The following SEPTIN11 variants were observed in gnomAD, a reference collection of about 807,000 sequenced individuals.
SEPTIN11 encodes the protein septin 11, also known as septin-11.
A neutral mutation model predicts 51.4 loss-of-function variants in SEPTIN11; 25 were observed. That is an observed-to-expected ratio of 0.49 (90% CI 0.35 to 0.68). SEPTIN11 has a LOEUF of 0.68. Ranked by LOEUF, SEPTIN11 falls within the 30% of genes least tolerant of loss-of-function variation. The probability of loss-of-function intolerance (pLI) is 0.00; values close to 1 mark genes in which losing one functional copy is unlikely to be tolerated. For synonymous variants in SEPTIN11, 174 were observed against 184.1 expected, an observed-to-expected ratio of 0.95 and a Z score of 0.44; for missense variants, 381 against 520.8, an observed-to-expected ratio of 0.73 and a Z score of 2.61.
In SEPTIN11 at chr4:76,984,561, A is replaced by G. The variant is rs1722926474; in HGVS notation, c.28-11864A>G. On this transcript the variant is annotated intron_variant, in intron 1 of 9. Coordinates refer to ENST00000264893, the MANE Select transcript of SEPTIN11 (RefSeq NM_018243.4). The surrounding 1 kb of genome is among the most constrained non-coding windows in gnomAD (Gnocchi z 4.1). Reference sequence around the variant, plus strand: ...GATGAACTGAGCCACAATATTTCTCAAACAGGAAATACTGAGGAATAGATG... The same window carrying G: ...GATGAACTGAGCCACAATATTTCTCGAACAGGAAATACTGAGGAATAGATG... Among the ~76,000 whole-genome samples the G allele has an allele frequency of 6.6e-6, 1 of 152,230 alleles. No individual in the cohort carries two copies. The highest frequency in any genetic ancestry group is 1.5e-5 in the Non-Finnish European group (1 of 68,036).
At chr4:76,951,360 C>T (rs556345556) in intron 1 of SEPTIN11, among the ~76,000 whole-genome samples, 2 of 152,302 alleles carry the variant, frequency 1.3e-5, no homozygotes, top group Middle Eastern at 3.4e-3. Flanking sequence ...GATTTAATGA[C>T]ATGGCTCTTT....
At chr4:77,027,348 C>CT (rs1335574780) in intron 7 of SEPTIN11, among the ~76,000 whole-genome samples, 2 of 152,070 alleles carry the variant, frequency 1.3e-5, no homozygotes, top group Non-Finnish European at 2.9e-5. Flanking sequence ...ATTGGCCAGG[C>CT]TGGTCTCGAA....
intron 1 of SEPTIN11, chr4:76,974,717 T>G: frequency 2.2e-6 from 1 of 456,478 alleles, no homozygotes; most frequent in African/African-American, 2.0e-5. Context: ...CTGGTTTATT[T>G]ATGGTGAAAA....
At chr4:76,996,646 T>G (rs774967415) in intron 2 of SEPTIN11, 107 bp downstream of exon 2, 80 of 831,166 alleles carry the variant, frequency 9.6e-5, no homozygotes, top group Non-Finnish European at 1.5e-4. Context: ...TTTATTCTCT[T>G]TCTTTCATCA....
At chr4:77,019,010 G>C (rs1000850804) in intron 5 of SEPTIN11, among the ~76,000 whole-genome samples, 155 bp from the exon 6 acceptor site, 5 of 152,136 alleles carry the variant, frequency 3.3e-5, no homozygotes, top group African/African-American at 1.2e-4. Context: ...GTTATAAGGG[G>C]GGTGGGATAC....
At chr4:76,990,058 G>A (rs1486460021) in intron 1 of SEPTIN11, among the ~76,000 whole-genome samples, 1 of 152,102 alleles carries the variant, frequency 6.6e-6, no homozygotes. Flanking sequence ...GGACCTGAGC[G>A]GGTTGCCGCT....
At position 76,949,938 on chromosome 4, in the gene SEPTIN11, C is replaced by T. The variant is rs1721245562; in HGVS notation, c.27+8C>T. The T allele has an allele frequency of 6.7e-7, 1 of 1,500,396 alleles. No homozygotes were observed. The highest frequency in any genetic ancestry group is 2.2e-5 in the Admixed American group (1 of 45,508). The allele number at this position is 1,500,396 out of a possible 1,614,324, so 92.9% of individuals were successfully genotyped here. On this transcript the variant is annotated splice_region_variant and intron_variant, in intron 1 of 9. Coordinates refer to ENST00000264893, the MANE Select transcript of SEPTIN11 (RefSeq NM_018243.4). ...GCCGTGGGGAGACCGTCTGTGAGTG[C>T]TGGGGCCTCGCCTGCTGCTCCTCGG... is the stretch of plus-strand genomic sequence containing the variant.
intron 1 of SEPTIN11, among the ~76,000 whole-genome samples, chr4:76,962,710 T>G (rs538633537): frequency 3.3e-5 from 5 of 152,240 alleles, no homozygotes; most frequent in African/African-American, 1.2e-4. Flanking sequence ...GTTTCTCTTA[T>G]GTTAGTCCAG....
intron 1 of SEPTIN11, among the ~76,000 whole-genome samples, chr4:76,990,395 G>T (rs577764533): frequency 6.6e-6 from 1 of 152,114 alleles, no homozygotes; most frequent in Non-Finnish European, 1.5e-5. Context: ...CTGGCTTCAC[G>T]TCTCACAAGT....
chr4:77,016,626 A>G (rs1235706982), intron 5 of SEPTIN11, among the ~76,000 whole-genome samples: 1 of 75,848 alleles, frequency 1.3e-5, no homozygotes, highest in Non-Finnish European at 2.5e-5. Flanking sequence ...ATATATATAT[A>G]TATACACATA....
chr4:77,015,885 C>T (rs144269019), intron 5 of SEPTIN11, among the ~76,000 whole-genome samples: 66 of 152,282 alleles, frequency 4.3e-4, no homozygotes, highest in African/African-American at 1.3e-3. Flanking sequence ...GACAAAAGAT[C>T]ACCAAGGGGT....
At position 77,036,949 on chromosome 4, in the gene SEPTIN11, G is replaced by T; in HGVS notation, c.*2437G>T. On this transcript the variant is annotated 3_prime_UTR_variant, in exon 10 of 10. Coordinates refer to ENST00000264893, the MANE Select transcript of SEPTIN11 (RefSeq NM_018243.4). Reference sequence around the variant, plus strand: ...TTTTCAAGGGGGGCAGGAAGGTAATGGTTTGAGTAGCCTTTGTTTAAAAAA... The same window carrying T: ...TTTTCAAGGGGGGCAGGAAGGTAATTGTTTGAGTAGCCTTTGTTTAAAAAA... The T allele has an allele frequency of 3.1e-6, 4 of 1,295,026 alleles. No homozygotes were observed. The highest frequency in any genetic ancestry group is 5.3e-5 in the South Asian group (2 of 37,836). 80.2% of individuals were successfully genotyped at this position (1,295,026 alleles called of 1,614,324 possible).
At chr4:76,965,585 C>T (rs186231791) in intron 1 of SEPTIN11, among the ~76,000 whole-genome samples, 2 of 142,802 alleles carry the variant, frequency 1.4e-5, no homozygotes, top group Non-Finnish European at 3.1e-5. Flanking sequence ...ATAGGAAATA[C>T]TTATTTTAAT....
At chr4:77,027,411 C>T (rs373514030) in intron 7 of SEPTIN11, among the ~76,000 whole-genome samples, 207 of 152,354 alleles carry the variant, frequency 1.4e-3, no homozygotes, top group African/African-American at 4.5e-3. Flanking sequence ...GCTGGGATTA[C>T]AGGTGTGAAC....
intron 9 of SEPTIN11, among the ~76,000 whole-genome samples, chr4:77,034,145 G>C (rs1472322013): frequency 6.6e-6 from 1 of 152,200 alleles, no homozygotes; most frequent in Non-Finnish European, 1.5e-5. Flanking sequence ...CTCCTATTCA[G>C]TACTAATGGG....
intron 1 of SEPTIN11, among the ~76,000 whole-genome samples, chr4:76,953,359 A>C (rs1314289162): frequency 6.6e-6 from 1 of 152,214 alleles, no homozygotes; most frequent in African/African-American, 2.4e-5. Flanking sequence ...TAGGGAGAAA[A>C]GGAATTATAT....
chr4:77,027,425 C>G (rs1469155879), intron 7 of SEPTIN11, among the ~76,000 whole-genome samples: 1 of 152,192 alleles, frequency 6.6e-6, no homozygotes, highest in Non-Finnish European at 1.5e-5. Context: ...TGTGAACCAC[C>G]ATGCTTGGCC....
chr4:77,014,769 C>T (rs1725100881), intron 4 of SEPTIN11, 87 bp from the exon 5 acceptor site: 2 of 1,377,268 alleles, frequency 1.5e-6, no homozygotes, highest in Non-Finnish European at 2.0e-6. Context: ...TAAGGTTTTG[C>T]AATTTTTATT....
chr4:76,965,279 C>T (rs1721988235), intron 1 of SEPTIN11, among the ~76,000 whole-genome samples: 1 of 151,844 alleles, frequency 6.6e-6, no homozygotes, highest in Non-Finnish European at 1.5e-5. Context: ...GGTGAAACCC[C>T]ATCTCTACTA....
Sources: gnomAD v4.1 joint callset for allele counts (sites outside exome capture counted in the v4.1 genomes callset) on GRCh38, gnomAD v4.1.1 for gene constraint, Gnocchi (gnomAD v3.1) non-coding constraint, MANE v1.5 for transcripts, NCBI Gene and HGNC (gene_info 2026-07-23, HGNC 2026-07-21) for gene names.